The following RAB8B variants were observed in gnomAD, a reference collection of about 807,000 sequenced individuals.
The protein encoded by RAB8B is ras-related protein Rab-8B.
In RAB8B, 11 loss-of-function variants were observed where a neutral mutation model predicts 32.0. That is an observed-to-expected ratio of 0.34 (90% CI 0.22 to 0.57). The LOEUF is 0.57. Among genes scored for constraint, RAB8B ranks in the 20% least tolerant of loss-of-function variants. The pLI is 0.86. For synonymous variants in RAB8B, 103 were observed against 89.6 expected, an observed-to-expected ratio of 1.15 and a Z score of -0.85; for missense variants, 190 against 258.5, an observed-to-expected ratio of 0.73 and a Z score of 1.82.
rs2038090265 is a variant in RAB8B at position 63,248,593 on chromosome 15, C to T, written c.186-1052C>T. Among the ~76,000 whole-genome samples the T allele has an allele frequency of 6.6e-6, 1 of 152,194 alleles. No homozygotes were observed. Among genetic ancestry groups the T allele is most frequent in the Non-Finnish European group, 1.5e-5 (1 of 68,030 alleles). ...AGCTGGGGCCATAGTTCCTCTGAGC[C>T]TGTTTCCTCATCTGCAGAACTTGGA... On this transcript the variant is annotated intron_variant, in intron 2 of 7. Transcript: ENST00000321437. This position sits in a 1 kb window ranked among gnomAD's most constrained non-coding sequence, Gnocchi z 4.4.
Position 63,259,786 on chromosome 15 carries a change from C to A in RAB8B, c.480+94C>A. Reference sequence around the variant, plus strand: ...TCTCAGAGCTTTGGTATTTTCTGACCTAATGAATGCCTTTTGTTGACCCAA... The same window carrying A: ...TCTCAGAGCTTTGGTATTTTCTGACATAATGAATGCCTTTTGTTGACCCAA... On this transcript the variant is annotated intron_variant, in intron 6 of 7. Transcript: ENST00000321437. The surrounding 1 kb of genome is among the most constrained non-coding windows in gnomAD (Gnocchi z 4.4). 3 of 1,097,174 alleles carry A rather than the reference C, an allele frequency of 2.7e-6. No individual in the cohort carries two copies. The highest frequency in any genetic ancestry group is 2.7e-6 in the Non-Finnish European group (2 of 740,046). 68.0% of individuals were successfully genotyped at this position (1,097,174 alleles called of 1,614,324 possible).
intron 4 of RAB8B, among the ~76,000 whole-genome samples, chr15:63,255,785 A>G (rs1186315721): frequency 2.0e-5 from 3 of 152,250 alleles, no homozygotes; most frequent in Non-Finnish European, 4.4e-5. Context: ...GTAACGTCAC[A>G]AGATTTTAAG....
At chr15:63,256,298 G>C (rs2038158330) in intron 4 of RAB8B, among the ~76,000 whole-genome samples, 2 of 152,102 alleles carry the variant, frequency 1.3e-5, no homozygotes. Flanking sequence ...CCAAACCTCG[G>C]GAAGAAGGTT....
At chr15:63,201,090 A>G (rs562052721) in intron 1 of RAB8B, among the ~76,000 whole-genome samples, 3 of 152,258 alleles carry the variant, frequency 2.0e-5, no homozygotes, top group South Asian at 4.2e-4. Context: ...TGGGGGTACT[A>G]TATTGGTTTG....
At chr15:63,197,370 C>CTTTTTTTTTTTTTTTTTTTT (rs58765418) in intron 1 of RAB8B, among the ~76,000 whole-genome samples, 5 of 61,406 alleles carry the variant, frequency 8.1e-5, no homozygotes, top group Admixed American at 2.0e-4. Flanking sequence ...TCTTTCTTTT[C>CTTTTTTTTTTTTTTTTTTTT]TTTTTTTTTT....
chr15:63,250,596 T>C (rs1431519935), intron 3 of RAB8B, among the ~76,000 whole-genome samples: 1 of 152,074 alleles, frequency 6.6e-6, no homozygotes, highest in African/African-American at 2.4e-5. Context: ...TTTTATTGCT[T>C]TTTGGCTCTG....
intron 1 of RAB8B, among the ~76,000 whole-genome samples, chr15:63,213,808 C>T (rs974340318): frequency 6.6e-6 from 1 of 152,134 alleles, no homozygotes; most frequent in Admixed American, 6.5e-5. Flanking sequence ...CCAGGCCAGG[C>T]GCGGTGGCTC....
chr15:63,200,800 A>T (rs1236194521), intron 1 of RAB8B, among the ~76,000 whole-genome samples: 1 of 152,218 alleles, frequency 6.6e-6, no homozygotes, highest in Non-Finnish European at 1.5e-5. Flanking sequence ...CCTGACATTG[A>T]GCATTTGTTT....
At chr15:63,197,408 C>G (rs1196179663) in intron 1 of RAB8B, among the ~76,000 whole-genome samples, 2 of 36,374 alleles carry the variant, frequency 5.5e-5, no homozygotes. Flanking sequence ...GAGTCTTGTT[C>G]TTTCGCCCAG....
intron 1 of RAB8B, among the ~76,000 whole-genome samples, chr15:63,190,885 A>G (rs1372025604): frequency 1.3e-5 from 2 of 152,206 alleles, no homozygotes; most frequent in African/African-American, 2.4e-5. Context: ...ACAACATGTG[A>G]TATACCTCTC....
intron 3 of RAB8B, among the ~76,000 whole-genome samples, chr15:63,254,708 C>T (rs927922911): frequency 1.3e-5 from 2 of 152,124 alleles, no homozygotes; most frequent in East Asian, 3.9e-4. Flanking sequence ...GTCAGGAGAT[C>T]GAAACCATCC....
At chr15:63,257,915 C>T (rs1050033570) in intron 5 of RAB8B, among the ~76,000 whole-genome samples, 6 of 151,312 alleles carry the variant, frequency 4.0e-5, no homozygotes, top group Middle Eastern at 3.4e-3. Flanking sequence ...AAAAATTAGC[C>T]GGGCATGGTG....
intron 3 of RAB8B, among the ~76,000 whole-genome samples, chr15:63,250,454 T>G (rs372254963): frequency 6.6e-6 from 1 of 152,200 alleles, no homozygotes; most frequent in Non-Finnish European, 1.5e-5. Flanking sequence ...ACCACCATTC[T>G]GCCAGCTGGC....
At chr15:63,216,269 C>T (rs2037791266) in intron 1 of RAB8B, among the ~76,000 whole-genome samples, 1 of 145,700 alleles carries the variant, frequency 6.9e-6, no homozygotes, top group African/African-American at 2.5e-5. Context: ...TGCTCTGTCT[C>T]CCCCACTGGA....
At chr15:63,202,437 A>C (rs2037660947) in intron 1 of RAB8B, among the ~76,000 whole-genome samples, 1 of 152,200 alleles carries the variant, frequency 6.6e-6, no homozygotes, top group South Asian at 2.1e-4. Context: ...AGGTCAGTGG[A>C]CTTGTGGTTT....
chr15:63,248,960 T>G lies in RAB8B; in HGVS notation c.186-685T>G, dbSNP rs1219187704. ...TATAGGATTGCTTCTATAAATGAAATCAGAAACTCTTATATTTTTCAGAAT... is the reference window on the plus strand; with the variant it reads ...TATAGGATTGCTTCTATAAATGAAAGCAGAAACTCTTATATTTTTCAGAAT... On this transcript the variant is annotated intron_variant, in intron 2 of 7. Transcript: ENST00000321437. The surrounding 1 kb of genome is among the most constrained non-coding windows in gnomAD (Gnocchi z 4.4). Among the ~76,000 whole-genome samples the G allele has an allele frequency of 6.6e-6, 1 of 152,204 alleles. No individual in the cohort carries two copies. The highest frequency in any genetic ancestry group is 1.5e-5 in the Non-Finnish European group (1 of 68,024).
chr15:63,230,675 G>C (rs1447294491), intron 1 of RAB8B, among the ~76,000 whole-genome samples: 1 of 152,126 alleles, frequency 6.6e-6, no homozygotes, highest in African/African-American at 2.4e-5. Context: ...GCCTGCAGGA[G>C]AGAGTATGAT....
At chr15:63,223,088 T>C (rs1171135430) in intron 1 of RAB8B, 1 of 454,208 alleles carries the variant, frequency 2.2e-6, no homozygotes, top group East Asian at 7.0e-5. Flanking sequence ...GTACCCTATA[T>C]AGGTATACCA....
rs1482880926 is a variant in RAB8B at position 63,259,733 on chromosome 15, A to C, written c.480+41A>C. ...TTGGTGACTGTTACGGAGCAGCACCAGTGCTTAGGGGCCTGTGTTCAAACA... is the reference window on the plus strand; with the variant it reads ...TTGGTGACTGTTACGGAGCAGCACCCGTGCTTAGGGGCCTGTGTTCAAACA... On this transcript the variant is annotated intron_variant, in intron 6 of 7. Transcript: ENST00000321437. The surrounding 1 kb of genome is among the most constrained non-coding windows in gnomAD (Gnocchi z 4.4). The C allele has an allele frequency of 4.5e-6, 7 of 1,550,148 alleles. No individual in the cohort carries two copies. The highest frequency in any genetic ancestry group is 5.3e-6 in the Non-Finnish European group (6 of 1,122,564).
Sources: gnomAD v4.1 joint callset for allele counts (sites outside exome capture counted in the v4.1 genomes callset) on GRCh38, gnomAD v4.1.1 for gene constraint, Gnocchi (gnomAD v3.1) non-coding constraint, MANE v1.5 for transcripts, NCBI Gene and HGNC (gene_info 2026-07-23, HGNC 2026-07-21) for gene names.